PCNX1: variants seen among roughly 807,000 people sequenced by gnomAD.
PCNX1 encodes the protein pecanex-like protein 1.
In PCNX1, 78 loss-of-function variants were observed where a neutral mutation model predicts 242.2. The ratio of observed to expected loss-of-function variants is 0.32; its 90% CI spans 0.27 to 0.39. The LOEUF is 0.39. PCNX1 is among the 10% of genes least tolerant of loss of function. The pLI, the probability that PCNX1 is intolerant of heterozygous loss-of-function variation, is 1.00. For synonymous variants in PCNX1, 1,024 were observed against 1,032.9 expected (o/e 0.99, Z 0.17); for missense variants, 2,581 against 2,856.5 (o/e 0.90, Z 2.20).
chr14:71,071,609 C>T (rs2061588089), intron 26 of PCNX1, among the ~76,000 whole-genome samples: 1 of 152,154 alleles, frequency 6.6e-6, no homozygotes, highest in Non-Finnish European at 1.5e-5. Flanking sequence ...TTCTCCTTCA[C>T]CTTACACCGT....
intron 28 of PCNX1, among the ~76,000 whole-genome samples, chr14:71,079,849 T>C (rs945048386): frequency 1.1e-4 from 16 of 152,184 alleles, no homozygotes; most frequent in East Asian, 3.8e-4. Context: ...ATAGTTTCTT[T>C]TGCTGTACAG....
chr14:70,911,158 A>G (rs1174259879), intron 1 of PCNX1, among the ~76,000 whole-genome samples: 8 of 152,330 alleles, frequency 5.3e-5, no homozygotes, highest in East Asian at 1.9e-4. Context: ...TTAAAAGTAC[A>G]TGTATAGGTT....
intron 18 of PCNX1, among the ~76,000 whole-genome samples, chr14:71,035,639 C>T (rs546320835): frequency 6.7e-6 from 1 of 149,952 alleles, no homozygotes; most frequent in South Asian, 2.2e-4. Flanking sequence ...GGTGTGGTGG[C>T]TCACACCTGT....
chr14:71,049,302 C>T (rs550759059), intron 22 of PCNX1, among the ~76,000 whole-genome samples: 13 of 152,194 alleles, frequency 8.5e-5, no homozygotes, highest in Middle Eastern at 3.4e-3. Flanking sequence ...ATAGAGAAAG[C>T]TTTCCCCTTG....
intron 8 of PCNX1, among the ~76,000 whole-genome samples, chr14:71,004,246 T>G (rs771171335): frequency 6.6e-6 from 1 of 152,252 alleles, no homozygotes; most frequent in Non-Finnish European, 1.5e-5. Context: ...TTCTGACCTT[T>G]TTATTTCTCC....
In PCNX1 at chr14:71,113,651, G is replaced by A. The variant is rs1203665064; in HGVS notation, c.*3716G>A. 1 of 152,370 alleles carries A rather than the reference G, an allele frequency of 6.6e-6. No individual in the cohort carries two copies. Among genetic ancestry groups the A allele is most frequent in the East Asian group, 1.9e-4 (1 of 5,192 alleles). The allele number at this position is 152,370 out of a possible 1,614,324, so 9.4% of individuals were successfully genotyped here. A position where few individuals can be genotyped will look rare whatever the true frequency, so the allele number is the denominator to read the frequency against. The stretch of plus-strand genomic sequence containing the variant: ...GAAGATTCACCCAGTGTCTAAAGTT[G>A]TCCTTTTCTTATAGCTAGCTTTCAA... On this transcript the variant is annotated 3_prime_UTR_variant, in exon 36 of 36. Transcript: ENST00000304743.
At chr14:70,996,988 T>G (rs1336904706) in intron 8 of PCNX1, among the ~76,000 whole-genome samples, 1 of 152,174 alleles carries the variant, frequency 6.6e-6, no homozygotes. Context: ...TTGAAAATGG[T>G]AATCTAAGAT....
At chr14:70,966,738 T>C (rs1438623981) in intron 3 of PCNX1, among the ~76,000 whole-genome samples, 1 of 152,202 alleles carries the variant, frequency 6.6e-6, no homozygotes, top group East Asian at 1.9e-4. Flanking sequence ...ATTTTTTTTT[T>C]AAGTTTAAAT....
intron 1 of PCNX1, among the ~76,000 whole-genome samples, chr14:70,934,713 A>G (rs1291581293): frequency 1.3e-5 from 2 of 152,246 alleles, no homozygotes; most frequent in Non-Finnish European, 2.9e-5. Context: ...GAAAAAATAA[A>G]ACATTAAAGT....
chr14:71,068,677 G>A (rs1194559145), intron 26 of PCNX1, among the ~76,000 whole-genome samples: 3 of 116,244 alleles, frequency 2.6e-5, no homozygotes, highest in African/African-American at 1.2e-4. Flanking sequence ...CAAAATTACA[G>A]TTATTTTTTA....
intron 10 of PCNX1, 67 bp downstream of exon 10, chr14:71,011,616 A>G: frequency 1.1e-6 from 1 of 944,574 alleles, no homozygotes; most frequent in Non-Finnish European, 1.7e-6. Flanking sequence ...GTATTTACAT[A>G]GATAGCTATA....
chr14:71,082,945 T>C (rs2141568470), intron 28 of PCNX1, among the ~76,000 whole-genome samples: 1 of 152,348 alleles, frequency 6.6e-6, no homozygotes, highest in East Asian at 1.9e-4. Context: ...ATAGTGTCAG[T>C]GGTCTTTACA....
At position 71,014,161 on chromosome 14, in the gene PCNX1, T is replaced by A. The variant is rs545100843; in HGVS notation, c.2996+959T>A. On this transcript the variant is annotated intron_variant, in intron 11 of 35. Transcript: ENST00000304743. ...GGTTCATATTTTATGGTGCCTTGTGTAGAATACTCAGGAAGATATTTAAAA... is the reference window on the plus strand; with the variant it reads ...GGTTCATATTTTATGGTGCCTTGTGAAGAATACTCAGGAAGATATTTAAAA... Among the ~76,000 whole-genome samples the A allele has an allele frequency of 3.3e-5, 5 of 152,282 alleles. No homozygotes were observed. In the East Asian group the frequency reaches 9.6e-4, roughly 29 times the overall value.
chr14:70,950,003 A>G (rs2057713491), intron 2 of PCNX1, among the ~76,000 whole-genome samples: 1 of 152,242 alleles, frequency 6.6e-6, no homozygotes, highest in Non-Finnish European at 1.5e-5. Flanking sequence ...ACATCAAGAC[A>G]TAAATAATGT....
intron 7 of PCNX1, among the ~76,000 whole-genome samples, chr14:70,993,119 A>C (rs1381551095): frequency 7.5e-6 from 1 of 133,748 alleles, no homozygotes; most frequent in Non-Finnish European, 1.5e-5. Context: ...AAATTATCTA[A>C]ATTAATTTTT....
Position 70,924,339 on chromosome 14 carries a change from A to G in PCNX1, c.153+16336A>G, listed in dbSNP as rs761236407. On this transcript the variant is annotated intron_variant, in intron 1 of 35. Transcript: ENST00000304743. ...TTTAGAATGCATAGAAAAGTCTCAAAGATAGTGCAGAGAGATCCCGTATAC... is the reference window on the plus strand; with the variant it reads ...TTTAGAATGCATAGAAAAGTCTCAAGGATAGTGCAGAGAGATCCCGTATAC... Among the ~76,000 whole-genome samples the G allele has an allele frequency of 1.4e-3, 216 of 152,274 alleles. 1 individual carries two copies. The highest frequency in any genetic ancestry group is 3.4e-3 in the Middle Eastern group (1 of 294).
At chr14:70,969,206 A>C (rs1160412024) in intron 5 of PCNX1, 96 bp downstream of exon 5, 1 of 730,510 alleles carries the variant, frequency 1.4e-6, no homozygotes. Flanking sequence ...AGTTTATAAC[A>C]ATTTAATATG....
Position 71,105,351 on chromosome 14 carries a change from G to T in PCNX1, c.6212G>T (p.Ser2071Ile). ...NNATTANNPH[S>I]NVTQGSIGNP... is the part of the protein sequence containing the mutation. ...GCAACAACTGCCAACAATCCCCACAGCAACGTGACCCAGGGAAGCATTGGA... is the reference window on the plus strand; with the variant it reads ...GCAACAACTGCCAACAATCCCCACATCAACGTGACCCAGGGAAGCATTGGA... The change falls in exon 33 of 36, where the codon AGC (serine) becomes ATC (isoleucine). Residue 2071 changes from serine to isoleucine, a missense_variant. By Grantham distance (142) the Ser-to-Ile change is moderately radical. Transcript: ENST00000304743. 11 of 1,614,072 alleles carry T rather than the reference G, an allele frequency of 6.8e-6. No individual in the cohort carries two copies. The highest frequency in any genetic ancestry group is 9.3e-6 in the Non-Finnish European group (11 of 1,179,982).
At chr14:71,093,828 A>C (rs1039737230) in intron 30 of PCNX1, 5 of 152,062 alleles carry the variant, frequency 3.3e-5, no homozygotes, top group Non-Finnish European at 7.4e-5. Flanking sequence ...ATGATGATCC[A>C]CTTCTACTTA....
Sources: gnomAD v4.1 joint callset for allele counts (sites outside exome capture counted in the v4.1 genomes callset) on GRCh38, gnomAD v4.1.1 for gene constraint, MANE v1.5 for transcripts, NCBI Gene and HGNC (gene_info 2026-07-23, HGNC 2026-07-21) for gene names.